Variants in FREM1 observed in about 807,000 individuals in gnomAD.
The protein encoded by FREM1 is FRAS1-related extracellular matrix protein 1.
FREM1 carries 220 observed loss-of-function variants against 210.1 expected under a neutral mutation model. That is an observed-to-expected ratio of 1.05 (90% CI 0.94 to 1.17). The LOEUF is 1.17. Among genes scored for constraint, FREM1 ranks in the 50% most tolerant of loss-of-function variants. The pLI, the probability that FREM1 is intolerant of heterozygous loss-of-function variation, is 0.00. For synonymous variants in FREM1, 1,189 were observed against 980.2 expected, an observed-to-expected ratio of 1.21 and a Z score of -3.98; for missense variants, 3,454 against 2,675.5, an observed-to-expected ratio of 1.29 and a Z score of -6.42.
At chr9:14,792,667 T>C (rs1214639115) in intron 22 of FREM1, 76 bp downstream of exon 22, 7 of 1,106,226 alleles carry the variant, frequency 6.3e-6, no homozygotes, top group Non-Finnish European at 8.8e-6. Flanking sequence ...ATAAATCCCA[T>C]CATAGAAATG....
intron 16 of FREM1, among the ~76,000 whole-genome samples, chr9:14,811,234 T>A (rs1310640453): frequency 6.8e-6 from 1 of 147,314 alleles, no homozygotes; most frequent in Admixed American, 6.9e-5. Flanking sequence ...AATGTCCTAC[T>A]GGGTTTTATT....
At chr9:14,762,236 G>A (rs1333766302) in intron 27 of FREM1, among the ~76,000 whole-genome samples, 1 of 152,178 alleles carries the variant, frequency 6.6e-6, no homozygotes, top group African/African-American at 2.4e-5. Context: ...AAGAGAGAAA[G>A]ATGAAATGGG....
intron 27 of FREM1, among the ~76,000 whole-genome samples, chr9:14,762,415 G>C (rs914810989): frequency 6.6e-6 from 1 of 152,172 alleles, no homozygotes; most frequent in African/African-American, 2.4e-5. Context: ...AGATCCTGGT[G>C]ACCTCAAGGC....
Position 14,737,271 on chromosome 9 carries a change from T to C in FREM1, c.*125A>G. ...ACTATTAAAAATGTCCCATTTTCAC[T>C]AGACAGAATCACAAAGGTATACCCA... On this transcript the variant is annotated 3_prime_UTR_variant, in exon 37 of 37. Coordinates refer to ENST00000380880, the MANE Select transcript of FREM1 (RefSeq NM_001379081.2). The C allele has an allele frequency of 1.2e-5, 7 of 598,354 alleles. No individual in the cohort carries two copies. In the East Asian group the frequency reaches 2.0e-4, roughly 17 times the overall value. The allele number at this position is 598,354 out of a possible 1,614,324, so 37.1% of individuals were successfully genotyped here.
chr9:14,906,640 T>C lies in FREM1; in HGVS notation c.-268+3274A>G, dbSNP rs114484440. 4.9e-3 allele frequency among the ~76,000 whole-genome samples: 751 copies of C among 152,310 alleles called. 7 individuals are homozygous for C. Among genetic ancestry groups the C allele is most frequent in the African/African-American group, 0.017 (714 of 41,562 alleles). On this transcript the variant is annotated intron_variant, in intron 1 of 36. Transcript: ENST00000380880. ...ACTTTACTGTGGTTTGAGTTTGTAATTTACCAAATAAATCATTTTTATGCT... is the reference window on the plus strand; with the variant it reads ...ACTTTACTGTGGTTTGAGTTTGTAACTTACCAAATAAATCATTTTTATGCT...
rs550198951 is a variant in FREM1, at chr9:14,874,375, G to A, written c.-267-5131C>T. ...CCTGTATTGGGTGCATATATATTTA[G>A]GATAGTTAGCTCTTCTTGTTGAATT... On this transcript the variant is annotated intron_variant, in intron 1 of 36. Transcript: ENST00000380880. Among the ~76,000 whole-genome samples the A allele has an allele frequency of 5.8e-3, 872 of 150,364 alleles. 6 individuals carry two copies. The highest frequency in any genetic ancestry group is 0.019 in the African/African-American group (781 of 40,690).
At chr9:14,857,985 A>G (rs1201901040) in intron 4 of FREM1, among the ~76,000 whole-genome samples, 2 of 152,190 alleles carry the variant, frequency 1.3e-5, no homozygotes, top group Non-Finnish European at 2.9e-5. Flanking sequence ...AGTTAAACTG[A>G]GAGAAAAAAT....
chr9:14,889,980 G>C (rs938806628), intron 1 of FREM1, among the ~76,000 whole-genome samples: 15 of 152,188 alleles, frequency 9.9e-5, no homozygotes, highest in Non-Finnish European at 2.9e-5. Context: ...TAAACTGGGG[G>C]AAAGTGAGCA....
chr9:14,857,482 T>G (rs1402568061), intron 5 of FREM1, 71 bp downstream of exon 5: 2 of 1,284,156 alleles, frequency 1.6e-6, no homozygotes, highest in East Asian at 2.3e-5. Flanking sequence ...GGGGCGAGCA[T>G]GAGTAAGCCT....
intron 9 of FREM1, among the ~76,000 whole-genome samples, 170 bp from the exon 10 acceptor site, chr9:14,841,759 T>A (rs1206014953): frequency 1.3e-5 from 2 of 152,146 alleles, no homozygotes; most frequent in African/African-American, 2.4e-5. Context: ...AGAAAAATAA[T>A]AAATAATAAA....
At chr9:14,896,105 A>T (rs1837666196) in intron 1 of FREM1, among the ~76,000 whole-genome samples, 1 of 151,832 alleles carries the variant, frequency 6.6e-6, no homozygotes, top group Admixed American at 6.6e-5. Context: ...GTTTGCAGTA[A>T]AGAAGCTGGC....
intron 27 of FREM1, among the ~76,000 whole-genome samples, chr9:14,764,606 G>A (rs779759846): frequency 2.0e-5 from 3 of 152,110 alleles, no homozygotes; most frequent in East Asian, 1.9e-4. Flanking sequence ...GATGGTATTC[G>A]TTGCCACAAC....
In FREM1 at chr9:14,859,191, G is replaced by A; in HGVS notation, c.623C>T (p.Pro208Leu). 2 of 1,579,096 alleles carry A rather than the reference G, an allele frequency of 1.3e-6. No individual in the cohort carries two copies. Among genetic ancestry groups the A allele is most frequent in the Non-Finnish European group, 1.7e-6 (2 of 1,163,480 alleles). The change falls in exon 4 of 37, where the codon CCA (proline) becomes CTA (leucine). Residue 208 changes from proline to leucine, a missense_variant. Transcript: ENST00000380880. Reference sequence around the variant, plus strand: ...ATTAAAAGACATCATACGGGACTCTGGGAAAAAACTGTGTGGCTGATCTCC... The same window carrying A: ...ATTAAAAGACATCATACGGGACTCTAGGAAAAAACTGTGTGGCTGATCTCC... ...PRGDQPHSFF[P>L]ESQLRAKLKC...
chr9:14,860,563 A>ATGTGTATATATATGTGTATATATGTG (rs1564098823), intron 3 of FREM1, among the ~76,000 whole-genome samples: 1 of 125,032 alleles, frequency 8.0e-6, no homozygotes. Flanking sequence ...ATACACACAT[A>ATGTGTATATATATGTGTATATATGTG]TATATACACA....
At chr9:14,762,718 T>C (rs561461141) in intron 27 of FREM1, among the ~76,000 whole-genome samples, 1 of 150,888 alleles carries the variant, frequency 6.6e-6, no homozygotes. Flanking sequence ...AGGACCTGCA[T>C]ACCCACAGAA....
chr9:14,804,282 C>T (rs1180296286), intron 19 of FREM1, among the ~76,000 whole-genome samples: 1 of 152,176 alleles, frequency 6.6e-6, no homozygotes, highest in Admixed American at 6.5e-5. Context: ...CTAGGGAATG[C>T]AGGTAAAACC....
chr9:14,809,425 C>T (rs533411759), intron 16 of FREM1, among the ~76,000 whole-genome samples: 2 of 152,194 alleles, frequency 1.3e-5, no homozygotes, highest in South Asian at 4.2e-4. Flanking sequence ...ACACTCTGGT[C>T]AAATCTGCAG....
chr9:14,769,552 A>T (rs1018868889), intron 27 of FREM1, among the ~76,000 whole-genome samples, 172 bp downstream of exon 27: 4 of 152,174 alleles, frequency 2.6e-5, no homozygotes, highest in Non-Finnish European at 5.9e-5. Flanking sequence ...TCCTATTTTC[A>T]AGCAGTAATA....
chr9:14,841,613 A>G (rs1825709323), intron 9 of FREM1, 24 bp from the exon 10 acceptor site: 2 of 1,542,114 alleles, frequency 1.3e-6, no homozygotes, highest in African/African-American at 2.7e-5. Context: ...AAAACACCAC[A>G]TACTTTTGTA....
Sources: allele counts gnomAD v4.1 joint callset (sites outside exome capture counted in the v4.1 genomes callset), GRCh38; gene constraint gnomAD v4.1.1; transcripts MANE v1.5; gene names NCBI Gene and HGNC (gene_info 2026-07-23, HGNC 2026-07-21).